Variants in ENPP6 observed in about 807,000 individuals in gnomAD.
The protein encoded by ENPP6 is ectonucleotide pyrophosphatase/phosphodiesterase 6.
A neutral mutation model predicts 42.0 loss-of-function variants in ENPP6; 32 were observed. That is an observed-to-expected ratio of 0.76 (90% CI 0.58 to 1.02). ENPP6 has a LOEUF of 1.02. Ranked by LOEUF, ENPP6 falls within the 50% of genes least tolerant of loss-of-function variation. ENPP6 has a pLI of 0.00. For synonymous variants in ENPP6, 213 were observed against 216.0 expected (o/e 0.99, Z 0.12); for missense variants, 552 against 566.8 (o/e 0.97, Z 0.27).
intron 2 of ENPP6, among the ~76,000 whole-genome samples, chr4:184,135,122 C>T (rs1425939967): frequency 1.3e-5 from 2 of 151,958 alleles, no homozygotes; most frequent in Admixed American, 6.6e-5. Context: ...TAACATATGA[C>T]CATTTTTGAT....
At chr4:184,152,075 T>C (rs184957504) in intron 2 of ENPP6, among the ~76,000 whole-genome samples, 4 of 152,312 alleles carry the variant, frequency 2.6e-5, no homozygotes, top group Admixed American at 2.0e-4. Context: ...GCTGGCTATG[T>C]CTTTGTTGCT....
At chr4:184,208,105 A>C (rs952720778) in intron 1 of ENPP6, among the ~76,000 whole-genome samples, 1 of 151,782 alleles carries the variant, frequency 6.6e-6, no homozygotes, top group Non-Finnish European at 1.5e-5. Flanking sequence ...GGATGAGGAC[A>C]CATTTGGGCT....
intron 1 of ENPP6, among the ~76,000 whole-genome samples, chr4:184,154,129 G>A (rs1737114099): frequency 6.6e-6 from 1 of 152,218 alleles, no homozygotes; most frequent in Admixed American, 6.5e-5. Flanking sequence ...CCTCCCGTGA[G>A]ATCAGCAATC....
At chr4:184,166,122 C>A (rs1411006119) in intron 1 of ENPP6, among the ~76,000 whole-genome samples, 1 of 152,130 alleles carries the variant, frequency 6.6e-6, no homozygotes, top group African/African-American at 2.4e-5. Context: ...CAAAGACACA[C>A]TTTGGATGTT....
At chr4:184,185,313 A>C (rs903194147) in intron 1 of ENPP6, among the ~76,000 whole-genome samples, 2 of 152,128 alleles carry the variant, frequency 1.3e-5, no homozygotes, top group African/African-American at 4.8e-5. Context: ...TTTGAATGTC[A>C]CTAAATTCAC....
intron 1 of ENPP6, among the ~76,000 whole-genome samples, chr4:184,208,973 C>A (rs1322116664): frequency 1.4e-5 from 2 of 143,144 alleles, no homozygotes; most frequent in Non-Finnish European, 3.1e-5. Flanking sequence ...CCAGCAGGAG[C>A]ACACTGACAC....
Position 184,117,789 on chromosome 4 carries a change from A to T in ENPP6, c.645T>A (p.Thr215=). The change falls in exon 4 of 8, where the codon ACT becomes ACA. Residue 215 remains threonine (T), a synonymous_variant. Transcript: ENST00000296741. Reference sequence around the variant, plus strand: ...TCCACTTGGTCATGTACTTCAGGACAGTGTCTACAGCCTTGAGGGCATCTT... The same window carrying T: ...TCCACTTGGTCATGTACTTCAGGACTGTGTCTACAGCCTTGAGGGCATCTT... ...QRKDALKAVD[T]VLKYMTKWIQ... The T allele has an allele frequency of 6.2e-7, 1 of 1,614,260 alleles. No individual in the cohort carries two copies. The highest frequency in any genetic ancestry group is 8.5e-7 in the Non-Finnish European group (1 of 1,180,048).
At chr4:184,192,006 C>T (rs1165421918) in intron 1 of ENPP6, among the ~76,000 whole-genome samples, 1 of 152,104 alleles carries the variant, frequency 6.6e-6, no homozygotes. Context: ...GAAAGACAGC[C>T]CATATTCATG....
At chr4:184,215,927 A>G (rs1031305789) in intron 1 of ENPP6, among the ~76,000 whole-genome samples, 2 of 152,150 alleles carry the variant, frequency 1.3e-5, no homozygotes, top group South Asian at 2.1e-4. Context: ...CCTTGTGCCA[A>G]TATCAGGAGT....
At chr4:184,170,711 T>C (rs1392881875) in intron 1 of ENPP6, among the ~76,000 whole-genome samples, 3 of 152,216 alleles carry the variant, frequency 2.0e-5, no homozygotes, top group Admixed American at 2.0e-4. Flanking sequence ...TCAGGTTCCA[T>C]GTGTCTTAGG....
At chr4:184,207,350 C>T (rs760018075) in intron 1 of ENPP6, among the ~76,000 whole-genome samples, 1 of 152,224 alleles carries the variant, frequency 6.6e-6, no homozygotes, top group South Asian at 2.1e-4. Context: ...TGCTAAGTTA[C>T]GCTGCCTCAA....
At chr4:184,171,587 C>T (rs577614838) in intron 1 of ENPP6, among the ~76,000 whole-genome samples, 3 of 152,136 alleles carry the variant, frequency 2.0e-5, no homozygotes, top group African/African-American at 4.8e-5. Context: ...AATAATTAAG[C>T]GGTGTCACGA....
intron 1 of ENPP6, among the ~76,000 whole-genome samples, chr4:184,163,565 G>T (rs12643106): frequency 0.26 from 39,196 of 152,044 alleles, 5,410 homozygotes; most frequent in African/African-American, 0.31. Context: ...ACACAACATT[G>T]TATTCACGTG....
At chr4:184,165,415 C>G (rs1424523823) in intron 1 of ENPP6, among the ~76,000 whole-genome samples, 1 of 152,202 alleles carries the variant, frequency 6.6e-6, no homozygotes, top group African/African-American at 2.4e-5. Context: ...TCTGACTCAG[C>G]GTCCGCCCTC....
At position 184,129,291 on chromosome 4, in the gene ENPP6, T is replaced by TACACAC. The variant is rs60982411; in HGVS notation, c.422-5025_422-5020dup. On this transcript the variant is annotated intron_variant, in intron 2 of 7. Transcript: ENST00000296741. ...GTAGTACACAAACACCCCCCCAACATACACACACACACACACACACACACA... is the reference window on the plus strand; with the variant it reads ...GTAGTACACAAACACCCCCCCAACATACACACACACACACACACACACACACACACA... Among the ~76,000 whole-genome samples the TACACAC allele has an allele frequency of 4.9e-3, 714 of 145,386 alleles. 5 individuals carry two copies. Among genetic ancestry groups the TACACAC allele is most frequent in the African/African-American group, 0.014 (558 of 38,946 alleles).
intron 1 of ENPP6, among the ~76,000 whole-genome samples, chr4:184,173,855 C>T (rs1011031219): frequency 3.9e-5 from 6 of 152,156 alleles, no homozygotes; most frequent in East Asian, 1.9e-4. Flanking sequence ...GAATGAAACA[C>T]GTCACCACAG....
intron 7 of ENPP6, among the ~76,000 whole-genome samples, chr4:184,093,391 C>T (rs751734576): frequency 6.6e-6 from 1 of 151,974 alleles, no homozygotes; most frequent in African/African-American, 2.4e-5. Context: ...GTAATCCCAG[C>T]ACTTTGGGAG....
chr4:184,161,397 G>A (rs1737254444), intron 1 of ENPP6, among the ~76,000 whole-genome samples: 2 of 152,150 alleles, frequency 1.3e-5, no homozygotes, highest in Non-Finnish European at 2.9e-5. Flanking sequence ...TATTGGCATG[G>A]AAGTGGTGAA....
intron 5 of ENPP6, among the ~76,000 whole-genome samples, chr4:184,115,571 G>A (rs1437545350): frequency 6.6e-6 from 1 of 152,166 alleles, no homozygotes; most frequent in Non-Finnish European, 1.5e-5. Context: ...GGATCATCAT[G>A]GTCACCGACA....
Sources: gnomAD v4.1 joint callset for allele counts (sites outside exome capture counted in the v4.1 genomes callset) on GRCh38, gnomAD v4.1.1 for gene constraint, MANE v1.5 for transcripts, NCBI Gene and HGNC (gene_info 2026-07-23, HGNC 2026-07-21) for gene names.